The following TENM1 variants were observed in gnomAD, a reference collection of about 807,000 sequenced individuals.
TENM1 encodes the protein teneurin-1.
A neutral mutation model predicts 174.8 loss-of-function variants in TENM1; 35 were observed. The observed-to-expected ratio is 0.20, with a 90% CI of 0.15 to 0.27. The LOEUF is 0.27. TENM1 is among the 10% of genes least tolerant of loss of function. The pLI is 1.00. For synonymous variants in TENM1, 781 were observed against 798.7 expected (o/e 0.98, Z 0.37); for missense variants, 1,633 against 2,130.1 (o/e 0.77, Z 4.59).
chrX:125,064,013 G>A, the TENM1 span, among the ~76,000 whole-genome samples: 4 of 110,252 alleles, frequency 3.6e-5, no homozygotes, highest in East Asian at 2.9e-4. Flanking sequence ...CTTTGTAGGG[G>A]CATGGATGAA....
At chrX:124,561,675 A>G (rs755593982) in exon 14 of TENM1, 1 of 1,210,919 alleles carries the variant, frequency 8.3e-7, no homozygotes, top group African/African-American at 1.7e-5. Context: ...ACTCACCTCC[A>G]TCATTGTCCA....
chrX:125,192,387 T>TA, the TENM1 span, among the ~76,000 whole-genome samples: 1 of 112,125 alleles, frequency 8.9e-6, no homozygotes, highest in Non-Finnish European at 1.9e-5. Flanking sequence ...TCAAGTTTTT[T>TA]AAAGTGTGGT....
At chrX:125,153,956 CATTTT>C in the TENM1 span, among the ~76,000 whole-genome samples, 6 of 112,342 alleles carry the variant, frequency 5.3e-5, no homozygotes, top group Admixed American at 5.7e-4. Flanking sequence ...GCTAAAGCTG[CATTTT>C]AATCCTCAAG....
At chrX:124,693,008 CAAAAAAAA>C (rs576815327) in intron 5 of TENM1, among the ~76,000 whole-genome samples, 1 of 33,575 alleles carries the variant, frequency 3.0e-5, no homozygotes, top group Non-Finnish European at 6.2e-5. Flanking sequence ...AACTCCATCT[CAAAAAAAA>C]AAAAAAAAGA....
chrX:125,134,122 G>A, the TENM1 span, among the ~76,000 whole-genome samples: 1 of 111,467 alleles, frequency 9.0e-6, no homozygotes. Context: ...TAAGTGTTTT[G>A]TTCATATTAA....
intron 14 of TENM1, among the ~76,000 whole-genome samples, chrX:124,551,545 CACACACACAT>C (rs981568059): frequency 9.0e-6 from 1 of 110,626 alleles, no homozygotes; most frequent in African/African-American, 3.3e-5. Flanking sequence ...CACACACACA[CACACACACAT>C]ACACACACAC....
chrX:124,785,741 T>C (rs189124967), intron 3 of TENM1, among the ~76,000 whole-genome samples: 6 of 112,092 alleles, frequency 5.4e-5, no homozygotes, highest in Non-Finnish European at 1.1e-4. Context: ...TAACAGATAA[T>C]GGAAAGGATA....
the TENM1 span, among the ~76,000 whole-genome samples, chrX:124,973,461 G>A: frequency 1.1e-4 from 12 of 111,680 alleles, no homozygotes; most frequent in East Asian, 2.0e-3. Flanking sequence ...GTAGCTTGAT[G>A]GGGATAGCAC....
intron 3 of TENM1, among the ~76,000 whole-genome samples, chrX:124,759,484 C>T (rs949865789): frequency 4.5e-5 from 5 of 111,139 alleles, no homozygotes; most frequent in African/African-American, 1.6e-4. Context: ...TGCTCTTTTT[C>T]CTGAGTCCCC....
the TENM1 span, among the ~76,000 whole-genome samples, chrX:125,134,648 T>C: frequency 8.9e-6 from 1 of 111,786 alleles, no homozygotes; most frequent in Non-Finnish European, 1.9e-5. Context: ...TCATGCATCA[T>C]TCTGTCCCTC....
chrX:124,869,199 C>T (rs2057063373), intron 3 of TENM1, among the ~76,000 whole-genome samples: 1 of 110,001 alleles, frequency 9.1e-6, no homozygotes, highest in Admixed American at 9.7e-5. Context: ...TGCCACTGCA[C>T]TCCAGCCTGG....
At chrX:125,145,403 T>C in the TENM1 span, among the ~76,000 whole-genome samples, 1 of 112,607 alleles carries the variant, frequency 8.9e-6, no homozygotes, top group South Asian at 3.6e-4. Flanking sequence ...TTCAAATAAA[T>C]GTAAGTGATT....
intron 23 of TENM1, among the ~76,000 whole-genome samples, chrX:124,425,353 T>C (rs1469387381): frequency 8.9e-6 from 1 of 112,507 alleles, no homozygotes; most frequent in Admixed American, 9.4e-5. Flanking sequence ...GTCATTCTGA[T>C]AACAGCCATT....
chrX:124,729,547 C>T (rs374402828), intron 4 of TENM1, among the ~76,000 whole-genome samples: 26 of 112,056 alleles, frequency 2.3e-4, no homozygotes, highest in Admixed American at 2.3e-3. Flanking sequence ...CCCATCTTTC[C>T]GGGTTGCAAA....
At chrX:124,991,504 GAGAC>G in the TENM1 span, among the ~76,000 whole-genome samples, 3 of 109,501 alleles carry the variant, frequency 2.7e-5, no homozygotes, top group African/African-American at 1.0e-4. Flanking sequence ...GAGACAGAGA[GAGAC>G]AGAGAGACAG....
chrX:124,770,002 C>T (rs910526166), intron 3 of TENM1, among the ~76,000 whole-genome samples: 1 of 111,781 alleles, frequency 8.9e-6, no homozygotes, highest in Non-Finnish European at 1.9e-5. Flanking sequence ...TTACAGATAT[C>T]GAAGTCCAGA....
At chrX:124,954,119 AT>A (rs763571967) in intron 1 of TENM1, among the ~76,000 whole-genome samples, 34 of 112,230 alleles carry the variant, frequency 3.0e-4, no homozygotes, top group Non-Finnish European at 5.3e-4. Context: ...GTAATTGTAT[AT>A]TGTTTCATAA....
At chrX:124,390,428 G>A (rs1384245262) in intron 28 of TENM1, among the ~76,000 whole-genome samples, 1 of 112,140 alleles carries the variant, frequency 8.9e-6, no homozygotes, top group Non-Finnish European at 1.9e-5. Context: ...GTGCCATGCT[G>A]GTGCGCTGCA....
chrX:125,154,845 C>T, the TENM1 span, among the ~76,000 whole-genome samples: 6 of 109,102 alleles, frequency 5.5e-5, no homozygotes, highest in African/African-American at 2.0e-4. Context: ...TTCGTTCCTC[C>T]CGGTGCGTTC....
Sources: allele counts gnomAD v4.1 joint callset (sites outside exome capture counted in the v4.1 genomes callset), GRCh38; gene constraint gnomAD v4.1.1; transcripts MANE v1.5; gene names NCBI Gene and HGNC (gene_info 2026-07-23, HGNC 2026-07-21).